The following LAMTOR1 variants were observed in gnomAD, a reference collection of about 807,000 sequenced individuals.
LAMTOR1 encodes late endosomal/lysosomal adaptor, MAPK and MTOR activator 1, also known as ragulator complex protein LAMTOR1.
A neutral mutation model predicts 20.5 loss-of-function variants in LAMTOR1; 8 were observed. The ratio of observed to expected loss-of-function variants is 0.39; its 90% confidence interval spans 0.23 to 0.70. The LOEUF (loss-of-function observed/expected upper bound fraction) is 0.70. Among genes scored for constraint, LAMTOR1 ranks in the 30% least tolerant of loss-of-function variants. LAMTOR1 has a pLI of 0.43. For synonymous variants in LAMTOR1, 77 were observed against 80.9 expected (o/e 0.95, Z 0.26); for missense variants, 135 against 206.2 (o/e 0.65, Z 2.11).
chr11:72,098,841 G>C lies in LAMTOR1; in HGVS notation c.206C>G (p.Ser69Cys), dbSNP rs1157336367. The C allele has an allele frequency of 6.4e-7, 1 of 1,550,814 alleles. No homozygotes were observed. The highest frequency in any genetic ancestry group is 1.2e-5 in the South Asian group (1 of 84,134). Reference protein sequence around the residue: ...AKTASNIIDVSAADSQGMEQH... With the variant: ...AKTASNIIDVCAADSQGMEQH... The stretch of plus-strand genomic sequence containing the variant: ...CTCCATGCCCTGTGAGTCTGCAGCA[G>C]ACACATCAATGATGTTGCTATGGGG... Residue 69 changes from serine (S) to cysteine (C), a missense_variant, in exon 3 of 5, where the codon TCT (serine) becomes TGT (cysteine). Ser to Cys is a moderately radical substitution (Grantham distance 112). Transcript: ENST00000278671.
At chr11:72,099,328 G>T in intron 1 of LAMTOR1, 72 bp from the exon 2 acceptor site, 1 of 1,476,836 alleles carries the variant, frequency 6.8e-7, no homozygotes, top group Non-Finnish European at 9.0e-7. Context: ...GCTACCCTTA[G>T]CCCAGCTCTG....
rs1555053438 is a variant in LAMTOR1, at chr11:72,103,228, C to CGGGGT, written c.-9_-5dup. 2 of 1,560,992 alleles carry CGGGGT rather than the reference C, an allele frequency of 1.3e-6. No individual in the cohort carries two copies. The highest frequency in any genetic ancestry group is 2.4e-5 in the East Asian group (1 of 41,806). ...CGCTGCTGTAGCAGCACCCCATGGCCGGGGTCGGGCCGGGCGCTCAGGCCG... is the reference window on the plus strand; with the variant it reads ...CGCTGCTGTAGCAGCACCCCATGGCCGGGGTGGGGTCGGGCCGGGCGCTCAGGCCG... On this transcript the variant is annotated 5_prime_UTR_variant, in exon 1 of 5. Transcript: ENST00000278671.
At chr11:72,100,116 C>T (rs1222808255) in intron 1 of LAMTOR1, among the ~76,000 whole-genome samples, 2 of 152,018 alleles carry the variant, frequency 1.3e-5, no homozygotes, top group African/African-American at 2.4e-5. Context: ...AAAAAATTAG[C>T]TGGACTTGGT....
In LAMTOR1 at chr11:72,099,162, G is replaced by A; in HGVS notation, c.137C>T (p.Ala46Val). 1 of 1,613,910 alleles carries A rather than the reference G, an allele frequency of 6.2e-7. No homozygotes were observed. Among genetic ancestry groups the A allele is most frequent in the East Asian group, 2.2e-5 (1 of 44,874 alleles). The change falls in exon 2 of 5, where the codon GCT becomes GTT. Residue 46 changes from alanine (A) to valine (V), a missense_variant. Ala to Val is a moderately conservative substitution (Grantham distance 64, BLOSUM62 0). Coordinates refer to ENST00000278671, the MANE Select transcript of LAMTOR1 (RefSeq NM_017907.3). ...GAGCAGGGCCTGCTCATCAGTGCGA[G>A]CGGAAGGCAGGCTGTGGTAGTTGGG... is the stretch of plus-strand genomic sequence containing the variant. ...AEPNYHSLPS[A>V]RTDEQALLSS...
intron 4 of LAMTOR1, 87 bp from the exon 5 acceptor site, chr11:72,098,001 G>A: frequency 6.9e-7 from 1 of 1,446,638 alleles, no homozygotes; most frequent in Non-Finnish European, 9.3e-7. Context: ...ATTAGATGGT[G>A]ATGGAGAAGG....
At chr11:72,098,751 C>A in intron 3 of LAMTOR1, 30 bp downstream of exon 3, 1 of 1,488,258 alleles carries the variant, frequency 6.7e-7, no homozygotes, top group African/African-American at 1.4e-5. Flanking sequence ...CCCAAGTAGC[C>A]TGAGGGACCC....
intron 1 of LAMTOR1, among the ~76,000 whole-genome samples, chr11:72,101,392 G>A (rs1172276858): frequency 6.6e-6 from 1 of 152,220 alleles, no homozygotes; most frequent in African/African-American, 2.4e-5. Context: ...CTAGGGGCAT[G>A]GCTGAGACAG....
chr11:72,102,614 C>A (rs1349408784), intron 1 of LAMTOR1, among the ~76,000 whole-genome samples: 1 of 152,194 alleles, frequency 6.6e-6, no homozygotes, highest in Non-Finnish European at 1.5e-5. Flanking sequence ...GCTTCCCAGA[C>A]AATTTCCCAC....
chr11:72,099,768 G>A (rs1945370590), intron 1 of LAMTOR1, among the ~76,000 whole-genome samples: 1 of 152,196 alleles, frequency 6.6e-6, no homozygotes, highest in African/African-American at 2.4e-5. Context: ...CCAAGAGAAA[G>A]CAAGCCCAAC....
intron 1 of LAMTOR1, among the ~76,000 whole-genome samples, chr11:72,101,267 T>C (rs540958383): frequency 6.6e-6 from 1 of 152,228 alleles, no homozygotes; most frequent in East Asian, 1.9e-4. Flanking sequence ...GAGTGGAGCA[T>C]GGGTTAGGTT....
chr11:72,097,710 G>C lies in LAMTOR1; in HGVS notation c.*112C>G. 1 of 1,569,218 alleles carries C rather than the reference G, an allele frequency of 6.4e-7. No individual in the cohort carries two copies. Among genetic ancestry groups the C allele is most frequent in the African/African-American group, 1.4e-5 (1 of 73,668 alleles). On this transcript the variant is annotated 3_prime_UTR_variant, in exon 5 of 5. Coordinates refer to ENST00000278671, the MANE Select transcript of LAMTOR1 (RefSeq NM_017907.3). ...CTCCTCCTTCTTCACATTTTTCTCT[G>C]TGATTAGTAGCAGGTTAGGGTACTG...
chr11:72,098,516 G>A (rs1452142032), intron 3 of LAMTOR1, 101 bp from the exon 4 acceptor site: 60 of 1,395,168 alleles, frequency 4.3e-5, no homozygotes, highest in Middle Eastern at 5.0e-4. Flanking sequence ...GCAGGGTGTC[G>A]AGGAGGGGTA....
intron 3 of LAMTOR1, 26 bp downstream of exon 3, chr11:72,098,755 G>A (rs550746950): frequency 1.5e-5 from 23 of 1,502,894 alleles, no homozygotes; most frequent in Non-Finnish European, 2.0e-5. Context: ...AGTAGCCTGA[G>A]GGACCCACGC....
chr11:72,097,307 C>T lies in LAMTOR1; in HGVS notation c.*515G>A. 1.0e-6 allele frequency: 1 copy of T among 995,068 alleles called. No homozygotes were observed. 61.6% of individuals were successfully genotyped at this position (995,068 alleles called of 1,614,324 possible). A position where few individuals can be genotyped will look rare whatever the true frequency, so the allele number is the denominator to read the frequency against. ...AACCAGCACATGGATGAATATACTTCCTTTATCGAGGGTGACAAACCAAAA... is the reference window on the plus strand; with the variant it reads ...AACCAGCACATGGATGAATATACTTTCTTTATCGAGGGTGACAAACCAAAA... On this transcript the variant is annotated 3_prime_UTR_variant, in exon 5 of 5. Transcript: ENST00000278671.
At chr11:72,098,475 C>G in intron 3 of LAMTOR1, 60 bp from the exon 4 acceptor site, 2 of 1,559,148 alleles carry the variant, frequency 1.3e-6, no homozygotes, top group South Asian at 1.2e-5. Flanking sequence ...CTGCCCAGCC[C>G]AGGTAAGCCT....
At position 72,103,240 on chromosome 11, in the gene LAMTOR1, G is replaced by C. The variant is rs1270822265; in HGVS notation, c.-16C>G. The C allele has an allele frequency of 3.9e-6, 6 of 1,554,780 alleles. No homozygotes were observed. In the East Asian group the frequency reaches 1.5e-4, roughly 38 times the overall value. ...AGCACCCCATGGCCGGGGTCGGGCC[G>C]GGCGCTCAGGCCGCGCCGAGGAGGG... On this transcript the variant is annotated 5_prime_UTR_variant, in exon 1 of 5. Transcript: ENST00000278671.
chr11:72,102,109 G>A (rs956766212), intron 1 of LAMTOR1, among the ~76,000 whole-genome samples: 1 of 152,192 alleles, frequency 6.6e-6, no homozygotes, highest in Non-Finnish European at 1.5e-5. Context: ...ATTTTCCTAG[G>A]CTTAAGCCCT....
chr11:72,100,960 CA>C (rs5792575), intron 1 of LAMTOR1, among the ~76,000 whole-genome samples: 17,363 of 152,202 alleles, frequency 0.11, 1,275 homozygotes, highest in East Asian at 0.23. Flanking sequence ...GCTAAAAAGA[CA>C]AAATGTTTGC....
chr11:72,102,780 G>A (rs1052959826), intron 1 of LAMTOR1, among the ~76,000 whole-genome samples: 12 of 152,166 alleles, frequency 7.9e-5, no homozygotes, highest in African/African-American at 2.9e-4. Context: ...TTCATCTCAG[G>A]ACAGACTAAC....
Sources: allele counts gnomAD v4.1 joint callset (sites outside exome capture counted in the v4.1 genomes callset), GRCh38; gene constraint gnomAD v4.1.1; transcripts MANE v1.5; gene names NCBI Gene and HGNC (gene_info 2026-07-23, HGNC 2026-07-21).